Variants in ERMP1 observed in about 807,000 individuals in gnomAD.
ERMP1 encodes endoplasmic reticulum metallopeptidase 1.
In ERMP1, 86 loss-of-function variants were observed where a neutral mutation model predicts 92.0. The observed-to-expected ratio is 0.93, with a 90% CI of 0.79 to 1.12. The LOEUF is 1.12. Among genes scored for constraint, ERMP1 ranks in the 50% most tolerant of loss-of-function variants. The probability of loss-of-function intolerance (pLI) is 0.00; values close to 1 mark genes in which losing one functional copy is unlikely to be tolerated. For synonymous variants in ERMP1, 530 were observed against 412.8 expected, an observed-to-expected ratio of 1.28 and a Z score of -3.44; for missense variants, 1,342 against 1,116.3, an observed-to-expected ratio of 1.20 and a Z score of -2.88.
upstream of ERMP1, among the ~76,000 whole-genome samples, chr9:5,836,908 G>A (rs1830101465): frequency 6.6e-6 from 1 of 152,090 alleles, no homozygotes; most frequent in South Asian, 2.1e-4. Flanking sequence ...CTAGGGAGAG[G>A]GTAATTGCAC....
intron 6 of ERMP1, among the ~76,000 whole-genome samples, chr9:5,853,895 C>T (rs887878286): frequency 3.3e-5 from 5 of 151,374 alleles, no homozygotes; most frequent in African/African-American, 1.2e-4. Context: ...GGTGGTGAGA[C>T]TCTCTGTCTT....
chr9:5,827,527 G>C (rs916887203), intron 2 of ERMP1, among the ~76,000 whole-genome samples: 2 of 152,208 alleles, frequency 1.3e-5, no homozygotes, highest in Non-Finnish European at 2.9e-5. Context: ...AAATTGCCTT[G>C]AGATTGTTGC....
intron 2 of ERMP1, among the ~76,000 whole-genome samples, chr9:5,826,962 G>A (rs1829751256): frequency 6.6e-6 from 1 of 152,164 alleles, no homozygotes; most frequent in African/African-American, 2.4e-5. Context: ...GGGAAGGAAA[G>A]TTAAGAGGAC....
chr9:5,850,626 T>A (rs1008575548), intron 6 of ERMP1, among the ~76,000 whole-genome samples: 15 of 151,976 alleles, frequency 9.9e-5, no homozygotes, highest in African/African-American at 3.6e-4. Context: ...AAGAACTAGA[T>A]GAAGCATCAG....
At chr9:5,832,624 GC>G in intron 1 of ERMP1, 65 bp downstream of exon 1, 1 of 1,254,782 alleles carries the variant, frequency 8.0e-7, no homozygotes, top group Non-Finnish European at 1.0e-6. Context: ...CAGGTGCGGT[GC>G]CCCGGAGCCT....
At chr9:5,861,007 G>C (rs1274737348) in intron 5 of ERMP1, among the ~76,000 whole-genome samples, 3 of 152,134 alleles carry the variant, frequency 2.0e-5, no homozygotes, top group African/African-American at 7.2e-5. Context: ...CCAGCCTCCA[G>C]TACTATGAGC....
At position 5,801,263 on chromosome 9, in the gene ERMP1, T is replaced by G; in HGVS notation, c.1980A>C (p.Ala660=). 6.2e-7 allele frequency: 1 copy of G among 1,613,780 alleles called. No homozygotes were observed. Among genetic ancestry groups the G allele is most frequent in the Non-Finnish European group, 8.5e-7 (1 of 1,179,786 alleles). ...KTMLTLTLVC[A]ITFLLVCSGT... is the part of the protein sequence containing the mutation. ...CACTGCAAACAAGGAGGAATGTAAT[T>G]GCACATACCAAAGTTAAAGTTAGCA... Residue 660 remains alanine, a synonymous_variant, in exon 11 of 15, where the codon GCA becomes GCC. Coordinates refer to ENST00000339450, the MANE Select transcript of ERMP1 (RefSeq NM_024896.3).
upstream of ERMP1, among the ~76,000 whole-genome samples, chr9:5,837,474 C>T (rs1198776303): frequency 6.6e-6 from 1 of 151,986 alleles, no homozygotes; most frequent in African/African-American, 2.4e-5. Context: ...ACTCTTTAAT[C>T]AAAAGACAAG....
intron 13 of ERMP1, 33 bp from the exon 14 acceptor site, chr9:5,787,626 C>CT (rs777935466): frequency 5.0e-6 from 8 of 1,587,168 alleles, no homozygotes; most frequent in Admixed American, 1.9e-5. Context: ...AACAGTTAAT[C>CT]TTTTTAAAAG....
intron 5 of ERMP1, among the ~76,000 whole-genome samples, chr9:5,862,990 G>C (rs954649333): frequency 1.1e-4 from 17 of 152,208 alleles, no homozygotes; most frequent in Non-Finnish European, 2.4e-4. Context: ...ATCTGTTTGT[G>C]GTAGTGCAAA....
chr9:5,836,044 G>A (rs1830092803), upstream of ERMP1, among the ~76,000 whole-genome samples: 1 of 152,180 alleles, frequency 6.6e-6, no homozygotes, highest in Non-Finnish European at 1.5e-5. Context: ...GACTTGGCAG[G>A]CAGTTATGCT....
intron 13 of ERMP1, among the ~76,000 whole-genome samples, chr9:5,796,915 C>T (rs1467652058): frequency 2.0e-5 from 3 of 152,224 alleles, no homozygotes; most frequent in Non-Finnish European, 4.4e-5. Flanking sequence ...AAAACTGGTG[C>T]ATCAGTTTTA....
chr9:5,800,071 G>C lies in ERMP1; in HGVS notation c.2068-1063C>G, dbSNP rs951104544. Among the ~76,000 whole-genome samples the C allele has an allele frequency of 5.9e-5, 9 of 152,118 alleles. 1 individual carries two copies. The highest frequency in any genetic ancestry group is 5.2e-4 in the Admixed American group (8 of 15,280). ...TATAATTCCTCTGGCATTTCTGTTTGGCTAGATTAGGTTAGATGTGACTCT... is the reference window on the plus strand; with the variant it reads ...TATAATTCCTCTGGCATTTCTGTTTCGCTAGATTAGGTTAGATGTGACTCT... On this transcript the variant is annotated intron_variant, in intron 11 of 14. Coordinates refer to ENST00000339450, the MANE Select transcript of ERMP1 (RefSeq NM_024896.3).
At chr9:5,798,400 G>A (rs900984079) in intron 12 of ERMP1, among the ~76,000 whole-genome samples, 1 of 151,986 alleles carries the variant, frequency 6.6e-6, no homozygotes. Context: ...ATTTTTAGTA[G>A]AGACACGGTT....
chr9:5,810,027 T>C lies in ERMP1; in HGVS notation c.1532A>G (p.Lys511Arg). 1 of 1,607,414 alleles carries C rather than the reference T, an allele frequency of 6.2e-7. No individual in the cohort carries two copies. Among genetic ancestry groups the C allele is most frequent in the Non-Finnish European group, 8.5e-7 (1 of 1,174,354 alleles). The change falls in exon 8 of 15, where the codon AAA becomes AGA. Residue 511 changes from lysine (K) to arginine (R), a missense_variant. Transcript: ENST00000339450. Reference sequence around the variant, plus strand: ...AACACTTACCATGTAATAAAATCTTTTCGCAAGAGTATGTATAAGTATTAT... The same window carrying C: ...AACACTTACCATGTAATAAAATCTTCTCGCAAGAGTATGTATAAGTATTAT... Reference protein sequence around the residue: ...AKIILIHTLAKRFYYMNASAQ... With the variant: ...AKIILIHTLARRFYYMNASAQ...
intron 5 of ERMP1, among the ~76,000 whole-genome samples, chr9:5,865,131 A>T (rs1418741): frequency 7.0e-6 from 1 of 142,640 alleles, no homozygotes; most frequent in Non-Finnish European, 1.5e-5. Flanking sequence ...GACATAGGAA[A>T]ATGTTCCTTT....
chr9:5,832,839 G>A lies in ERMP1; in HGVS notation c.189C>T (p.Gly63=), dbSNP rs746913364. The A allele has an allele frequency of 3.3e-6, 5 of 1,501,924 alleles. No individual in the cohort carries two copies. The highest frequency in any genetic ancestry group is 1.2e-5 in the South Asian group (1 of 80,188). The allele number at this position is 1,501,924 out of a possible 1,614,324, so 93.0% of individuals were successfully genotyped here. ...GCACCTCAGACAGCCCGGTCCCCGC[G>A]CCCCTGCTCGCGCCGCCGCTACCCC... The part of the protein sequence containing the change: ...SPGGSGGASR[G]AGTGLSEVRA... The change falls in exon 1 of 15, where the codon GGC becomes GGT. Residue 63 remains glycine (G), a synonymous_variant. Coordinates refer to ENST00000339450, the MANE Select transcript of ERMP1 (RefSeq NM_024896.3).
At position 5,798,527 on chromosome 9, in the gene ERMP1, G is replaced by C. The variant is rs557052012; in HGVS notation, c.2270+279C>G. Among the ~76,000 whole-genome samples, 4 of 152,026 alleles carry C rather than the reference G, an allele frequency of 2.6e-5. No homozygotes were observed. The South Asian group carries it at 8.3e-4, about 32-fold the overall frequency. On this transcript the variant is annotated intron_variant, in intron 12 of 14. Transcript: ENST00000339450. ...CACCGTGCCCGGCCACAATTTTTGA[G>C]ATAGATGCTTATTGGCTATTATATT...
At chr9:5,798,215 A>G (rs1828522381) in intron 12 of ERMP1, among the ~76,000 whole-genome samples, 1 of 151,664 alleles carries the variant, frequency 6.6e-6, no homozygotes, top group Non-Finnish European at 1.5e-5. Flanking sequence ...CAGAGAAAAC[A>G]ATTTTTTTTT....
Sources: gnomAD v4.1 joint callset for allele counts (sites outside exome capture counted in the v4.1 genomes callset) on GRCh38, gnomAD v4.1.1 for gene constraint, MANE v1.5 for transcripts, NCBI Gene and HGNC (gene_info 2026-07-23, HGNC 2026-07-21) for gene names.